SGK1: variants seen among roughly 807,000 people sequenced by gnomAD.
SGK1 encodes the protein serum/glucocorticoid regulated kinase 1.
A neutral mutation model predicts 64.2 loss-of-function variants in SGK1; 26 were observed. The observed-to-expected ratio is 0.40, with a 90% confidence interval of 0.30 to 0.56. The LOEUF (loss-of-function observed/expected upper bound fraction) is 0.56, where lower values mean the gene tolerates loss of function less well. Ranked by LOEUF, SGK1 falls within the 20% of genes least tolerant of loss-of-function variation. SGK1 has a pLI of 0.38. For missense variants in SGK1, 519 were observed against 645.6 expected, an observed-to-expected ratio of 0.80 and a Z score of 2.12; for synonymous variants, 265 against 239.7, an observed-to-expected ratio of 1.11 and a Z score of -0.98.
chr6:134,220,065 AAAAAAAAAAAAAAAAAAAAAAAG>A, intron 2 of SGK1, among the ~76,000 whole-genome samples: 1 of 37,440 alleles, frequency 2.7e-5, no homozygotes, highest in Admixed American at 4.3e-4. Context: ...TCTCAAAAAA[AAAAAAAAAAAAAAAAAAAAAAAG>A]AAAAGAAAAG....
chr6:134,247,153 C>T (rs1045801115), intron 2 of SGK1, among the ~76,000 whole-genome samples: 6 of 152,138 alleles, frequency 3.9e-5, no homozygotes, highest in Non-Finnish European at 8.8e-5. Context: ...CCTTCCCCAC[C>T]ACCATTCCAC....
chr6:134,220,763 G>A (rs1306884150), intron 2 of SGK1, among the ~76,000 whole-genome samples: 1 of 152,130 alleles, frequency 6.6e-6, no homozygotes, highest in Non-Finnish European at 1.5e-5. Flanking sequence ...CTCCTCTCGG[G>A]AGAGATATAA....
intron 2 of SGK1, among the ~76,000 whole-genome samples, chr6:134,238,754 T>A (rs1345244123): frequency 1.3e-5 from 2 of 152,112 alleles, no homozygotes; most frequent in Non-Finnish European, 2.9e-5. Flanking sequence ...TTTCCTAATA[T>A]CAAAGTGCAT....
At chr6:134,239,564 T>C (rs899803358) in intron 2 of SGK1, among the ~76,000 whole-genome samples, 1 of 152,154 alleles carries the variant, frequency 6.6e-6, no homozygotes, top group Non-Finnish European at 1.5e-5. Flanking sequence ...CCCTTTTTAG[T>C]TCTAACATCC....
In SGK1 at chr6:134,273,592, C is replaced by CAAAAAAAAAAAAAAAAA. The variant is rs58634499; in HGVS notation, c.70-11461_70-11445dup. The stretch of plus-strand genomic sequence containing the variant: ...TGGGCGACAGAGCGAGACTCCGTCT[C>CAAAAAAAAAAAAAAAAA]AAAAAAAAAAAAAAAAAAAAAAAAA... On this transcript the variant is annotated intron_variant, in intron 1 of 13. Coordinates refer to ENST00000367858, the MANE Select transcript of SGK1 (RefSeq NM_001143676.3). Among the ~76,000 whole-genome samples, 10 of 16,222 alleles carry CAAAAAAAAAAAAAAAAA rather than the reference C, an allele frequency of 6.2e-4. 1 individual carries two copies. The highest frequency in any genetic ancestry group is 1.0e-3 in the African/African-American group (5 of 4,820). The allele number at this position is 16,222 out of a possible 152,430, so 10.6% of individuals were successfully genotyped here.
rs11403837 is a variant in SGK1, at chr6:134,305,572, C to CAA, written c.69+11818_69+11819dup. Among the ~76,000 whole-genome samples the CAA allele has an allele frequency of 6.2e-3, 741 of 118,656 alleles. 33 individuals are homozygous for CAA. The East Asian group carries it at 0.13, about 20-fold the overall frequency. 77.8% of individuals were successfully genotyped at this position (118,656 alleles called of 152,430 possible). ...TGGGTGACAGAGCGAGACCCTGTCTCAAAAAAAAAAAAAAAATGTTATTTA... is the reference window on the plus strand; with the variant it reads ...TGGGTGACAGAGCGAGACCCTGTCTCAAAAAAAAAAAAAAAAAATGTTATTTA... On this transcript the variant is annotated intron_variant, in intron 1 of 13. Transcript: ENST00000367858.
At chr6:134,281,406 G>A in intron 1 of SGK1, among the ~76,000 whole-genome samples, 1 of 152,202 alleles carries the variant, frequency 6.6e-6, no homozygotes, top group Non-Finnish European at 1.5e-5. Flanking sequence ...TAGTAAAAGA[G>A]AGGCATCTGA....
At chr6:134,297,999 G>A (rs752929246) in intron 1 of SGK1, 154 of 833,630 alleles carry the variant, frequency 1.8e-4, no homozygotes, top group Non-Finnish European at 2.1e-4. Context: ...CATCACAGAC[G>A]TATCCGAGAT....
chr6:134,175,785 T>C (rs1367325104), intron 3 of SGK1: 3 of 1,338,266 alleles, frequency 2.2e-6, no homozygotes, highest in African/African-American at 1.5e-5. Flanking sequence ...AACAAACAAA[T>C]GGCCCTTGTG....
chr6:134,227,958 T>G (rs1198553314), intron 2 of SGK1, among the ~76,000 whole-genome samples: 1 of 138,864 alleles, frequency 7.2e-6, no homozygotes, highest in Non-Finnish European at 1.6e-5. Flanking sequence ...TTTTTTTTTT[T>G]TTTTTTTTTT....
intron 3 of SGK1, among the ~76,000 whole-genome samples, chr6:134,204,541 G>T (rs1582708441): frequency 7.1e-6 from 1 of 140,968 alleles, no homozygotes; most frequent in Admixed American, 7.3e-5. Context: ...TTCTGCATTA[G>T]TTTTTCTTGT....
chr6:134,226,387 ATTTTGT>A (rs2114707943), intron 2 of SGK1, among the ~76,000 whole-genome samples: 1 of 151,700 alleles, frequency 6.6e-6, no homozygotes, highest in Non-Finnish European at 1.5e-5. Context: ...AAAGATTTTT[ATTTTGT>A]TTTTGTTTTT....
intron 3 of SGK1, among the ~76,000 whole-genome samples, chr6:134,206,407 T>TA (rs1313069787): frequency 3.1e-5 from 4 of 128,988 alleles, no homozygotes; most frequent in African/African-American, 1.2e-4. Flanking sequence ...TTTTTTTTTT[T>TA]AAATGACAGG....
intron 3 of SGK1, chr6:134,180,365 A>T (rs186439882): frequency 6.6e-6 from 1 of 152,324 alleles, no homozygotes; most frequent in African/African-American, 2.4e-5. Context: ...TAATCCAATC[A>T]ATGATTAAAA....
intron 2 of SGK1, among the ~76,000 whole-genome samples, chr6:134,259,630 G>A (rs770141315): frequency 6.6e-6 from 1 of 152,112 alleles, no homozygotes; most frequent in Non-Finnish European, 1.5e-5. Flanking sequence ...GGAGAGCTGT[G>A]TCCATTCATT....
chr6:134,175,582 G>T (rs1301260181), intron 3 of SGK1: 1 of 1,566,958 alleles, frequency 6.4e-7, no homozygotes. Flanking sequence ...CCTTTTCTGC[G>T]CCTCGGCCCT....
At chr6:134,241,878 C>T (rs1776453603) in intron 2 of SGK1, among the ~76,000 whole-genome samples, 2 of 152,090 alleles carry the variant, frequency 1.3e-5, no homozygotes, top group Admixed American at 6.5e-5. Context: ...CCTCGGCCTC[C>T]CAAAGTGCTG....
intron 1 of SGK1, among the ~76,000 whole-genome samples, chr6:134,274,559 C>T (rs1045007858): frequency 6.6e-6 from 1 of 151,824 alleles, no homozygotes; most frequent in African/African-American, 2.4e-5. Flanking sequence ...ACATCTGAAG[C>T]TCTTTGAGTG....
At position 134,297,390 on chromosome 6, in the gene SGK1, G is replaced by A. The variant is rs1312348898; in HGVS notation, c.69+20002C>T. On this transcript the variant is annotated intron_variant, in intron 1 of 13. Coordinates refer to ENST00000367858, the MANE Select transcript of SGK1 (RefSeq NM_001143676.3). ...CAGCTTGGCGTTGGCATCCTTAACA[G>A]CCAGCTCCCCATGCTGCTCGGCATC... 9 of 790,386 alleles carry A rather than the reference G, an allele frequency of 1.1e-5. No individual in the cohort carries two copies. The African/African-American group carries it at 1.5e-4, about 14-fold the overall frequency. The allele number at this position is 790,386 out of a possible 1,614,324, so 49.0% of individuals were successfully genotyped here. A position where few individuals can be genotyped will look rare whatever the true frequency, so the allele number is the denominator to read the frequency against.
Sources: allele counts gnomAD v4.1 joint callset (sites outside exome capture counted in the v4.1 genomes callset), GRCh38; gene constraint gnomAD v4.1.1; transcripts MANE v1.5; gene names NCBI Gene and HGNC (gene_info 2026-07-23, HGNC 2026-07-21).